The following BRWD3 variants were observed in gnomAD, a reference collection of about 807,000 sequenced individuals.
The protein encoded by BRWD3 is bromodomain and WD repeat domain containing 3.
A neutral mutation model predicts 149.7 loss-of-function variants in BRWD3; 10 were observed. The ratio of observed to expected loss-of-function variants is 0.07; its 90% CI spans 0.04 to 0.11. The LOEUF (loss-of-function observed/expected upper bound fraction) is 0.11, where lower values mean the gene tolerates loss of function less well. Ranked by LOEUF, BRWD3 falls within the 10% of genes least tolerant of loss-of-function variation. The pLI is 1.00. For synonymous variants in BRWD3, 504 were observed against 456.7 expected, an observed-to-expected ratio of 1.10 and a Z score of -1.32; for missense variants, 940 against 1,373.2, an observed-to-expected ratio of 0.68 and a Z score of 4.99.
At chrX:80,795,400 T>C (rs2074227321) in intron 4 of BRWD3, among the ~76,000 whole-genome samples, 1 of 109,855 alleles carries the variant, frequency 9.1e-6, no homozygotes, top group South Asian at 3.8e-4. Flanking sequence ...TACATATATG[T>C]GTGTATATTC....
chrX:80,685,850 G>A (rs372250770), intron 35 of BRWD3, among the ~76,000 whole-genome samples: 1 of 111,223 alleles, frequency 9.0e-6, no homozygotes, highest in East Asian at 2.8e-4. Context: ...TAAGCTCATA[G>A]GACGGTCTGA....
chrX:80,725,035 G>A lies in BRWD3; in HGVS notation c.1419C>T (p.Ala473=), dbSNP rs764361084. ...GHDDEVFVLE[A]HPFDQRIILS... ...GTATGATCCTTTGATCAAATGGATG[G>A]GCTTCTAGAACGAATACTTCATCAT... The change falls in exon 15 of 41, where the codon GCC becomes GCT. Residue 473 remains alanine, a synonymous_variant. Coordinates refer to ENST00000373275, the MANE Select transcript of BRWD3 (RefSeq NM_153252.5). The A allele has an allele frequency of 2.5e-6, 3 of 1,207,349 alleles. No homozygotes were observed. The highest frequency in any genetic ancestry group is 3.4e-6 in the Non-Finnish European group (3 of 892,003).
intron 25 of BRWD3, among the ~76,000 whole-genome samples, chrX:80,697,540 G>C (rs1044651403): frequency 3.6e-5 from 4 of 111,051 alleles, no homozygotes; most frequent in Admixed American, 2.9e-4. Context: ...TGTACCAACT[G>C]TTTAGTACCC....
At chrX:80,784,207 A>T (rs936149667) in intron 6 of BRWD3, among the ~76,000 whole-genome samples, 1 of 110,989 alleles carries the variant, frequency 9.0e-6, no homozygotes, top group Non-Finnish European at 1.9e-5. Context: ...ATACACATCT[A>T]CTATGTACCT....
intron 20 of BRWD3, among the ~76,000 whole-genome samples, chrX:80,713,901 G>A (rs1014465659): frequency 2.7e-5 from 3 of 111,533 alleles, no homozygotes; most frequent in South Asian, 3.7e-4. Flanking sequence ...CCATCAGAGC[G>A]GTTTTATTTA....
At chrX:80,778,828 G>A (rs1332693285) in intron 6 of BRWD3, among the ~76,000 whole-genome samples, 1 of 110,844 alleles carries the variant, frequency 9.0e-6, no homozygotes, top group Non-Finnish European at 1.9e-5. Flanking sequence ...GTGACACCCT[G>A]TCTCTACTAA....
At position 80,684,002 on chromosome X, in the gene BRWD3, A is replaced by T. The variant is rs756209248; in HGVS notation, c.4233+8T>A. 1.7e-5 allele frequency: 20 copies of T among 1,205,372 alleles called. No individual in the cohort carries two copies. Among genetic ancestry groups the T allele is most frequent in the Non-Finnish European group, 2.2e-5 (20 of 890,582 alleles). On this transcript the variant is annotated splice_region_variant and intron_variant, in intron 37 of 40. Coordinates refer to ENST00000373275, the MANE Select transcript of BRWD3 (RefSeq NM_153252.5). ...CTGCCTGATAATTAACCCAACTAAT[A>T]ATCATACCCTTGACTTTTTATTAGA...
At position 80,690,111 on chromosome X, in the gene BRWD3, T is replaced by C. The variant is rs2072591206; in HGVS notation, c.3603-19A>G. 1 of 1,200,170 alleles carries C rather than the reference T, an allele frequency of 8.3e-7. No homozygotes were observed. Among genetic ancestry groups the C allele is most frequent in the Non-Finnish European group, 1.1e-6 (1 of 885,921 alleles). The stretch of plus-strand genomic sequence containing the variant: ...TATTCTCCTGTGAAAGAAAAAATAC[T>C]CTGTTAGCCTTGGCTAATATATTTA... On this transcript the variant is annotated intron_variant, in intron 31 of 40. Coordinates refer to ENST00000373275, the MANE Select transcript of BRWD3 (RefSeq NM_153252.5).
At chrX:80,730,413 G>GAA (rs1477471321) in intron 12 of BRWD3, among the ~76,000 whole-genome samples, 2 of 106,369 alleles carry the variant, frequency 1.9e-5, no homozygotes, top group African/African-American at 3.4e-5. Context: ...AAGAAAGAAA[G>GAA]AAAGAAAGAA....
At chrX:80,781,761 T>C (rs937086402) in intron 6 of BRWD3, among the ~76,000 whole-genome samples, 39 of 111,198 alleles carry the variant, frequency 3.5e-4, no homozygotes, top group African/African-American at 1.1e-3. Flanking sequence ...CCATTTAGTA[T>C]AGCTATAAAT....
At chrX:80,691,689 A>T in intron 30 of BRWD3, 134 bp downstream of exon 30, 1 of 833,078 alleles carries the variant, frequency 1.2e-6, no homozygotes, top group Non-Finnish European at 1.7e-6. Flanking sequence ...TATTAAAACT[A>T]GAATCACTGT....
intron 17 of BRWD3, among the ~76,000 whole-genome samples, chrX:80,720,921 A>G (rs1374440049): frequency 1.8e-5 from 2 of 112,327 alleles, no homozygotes; most frequent in Non-Finnish European, 3.8e-5. Context: ...GTGCAGTTAC[A>G]TGCTGTACAG....
intron 6 of BRWD3, among the ~76,000 whole-genome samples, chrX:80,770,329 G>A (rs745309747): frequency 1.2e-4 from 13 of 111,749 alleles, no homozygotes; most frequent in South Asian, 7.4e-4. Flanking sequence ...TATCCCTGAT[G>A]AACATCGAAG....
chrX:80,691,307 A>G (rs927795841), intron 30 of BRWD3, 134 bp from the exon 31 acceptor site: 1 of 653,639 alleles, frequency 1.5e-6, no homozygotes, highest in African/African-American at 2.2e-5. Context: ...ATTCCATTAT[A>G]CAAACAGAAC....
intron 33 of BRWD3, 137 bp downstream of exon 33, chrX:80,689,631 T>G: frequency 1.9e-6 from 1 of 539,840 alleles, no homozygotes. Context: ...TAAGTACACT[T>G]TAAAAGACGC....
chrX:80,800,993 A>G (rs775707880), intron 4 of BRWD3, among the ~76,000 whole-genome samples: 19 of 110,450 alleles, frequency 1.7e-4, no homozygotes, highest in African/African-American at 6.2e-4. Flanking sequence ...CTGAGGGCAG[A>G]TGAAATTAAG....
At chrX:80,696,312 CTT>C (rs1386035837) in intron 26 of BRWD3, among the ~76,000 whole-genome samples, 1 of 110,945 alleles carries the variant, frequency 9.0e-6, no homozygotes, top group Non-Finnish European at 1.9e-5. Flanking sequence ...GAGCCTCTGA[CTT>C]ATTATTCCTA....
intron 39 of BRWD3, 35 bp from the exon 40 acceptor site, chrX:80,681,534 T>C (rs2072446886): frequency 8.9e-7 from 1 of 1,118,960 alleles, no homozygotes; most frequent in South Asian, 1.8e-5. Context: ...CTAACATAAT[T>C]ATCATGTTTT....
At chrX:80,732,722 C>G (rs754394440) in intron 12 of BRWD3, among the ~76,000 whole-genome samples, 1 of 111,567 alleles carries the variant, frequency 9.0e-6, no homozygotes, top group Non-Finnish European at 1.9e-5. Flanking sequence ...TCTAAGGATT[C>G]ATATAGAGAA....
Sources: allele counts gnomAD v4.1 joint callset (sites outside exome capture counted in the v4.1 genomes callset), GRCh38; gene constraint gnomAD v4.1.1; transcripts MANE v1.5; gene names NCBI Gene and HGNC (gene_info 2026-07-23, HGNC 2026-07-21).